The following TRABD2B variants were observed in gnomAD, a reference collection of about 807,000 sequenced individuals.
The protein encoded by TRABD2B is TraB domain containing 2B, also known as metalloprotease TIKI2.
In TRABD2B, 14 loss-of-function variants were observed where a neutral mutation model predicts 40.1. That is an observed-to-expected ratio of 0.35 (90% CI 0.23 to 0.55). The LOEUF is 0.55. Among genes scored for constraint, TRABD2B ranks in the 20% least tolerant of loss-of-function variants. TRABD2B has a pLI of 0.90. For missense variants in TRABD2B, 541 were observed against 648.6 expected (o/e 0.83, Z 1.80); for synonymous variants, 263 against 277.0 (o/e 0.95, Z 0.50).
intron 4 of TRABD2B, among the ~76,000 whole-genome samples, chr1:47,789,183 T>C (rs1412542977): frequency 6.6e-6 from 1 of 152,138 alleles, no homozygotes; most frequent in Non-Finnish European, 1.5e-5. Context: ...TGCAATGGGA[T>C]GATCACTGAG....
chr1:47,844,572 T>C (rs1645442731), intron 2 of TRABD2B, among the ~76,000 whole-genome samples: 1 of 152,178 alleles, frequency 6.6e-6, no homozygotes, highest in Non-Finnish European at 1.5e-5. Context: ...GTACAGTGCT[T>C]ACTCTCTGGC....
At chr1:47,845,677 G>T (rs576473453) in intron 2 of TRABD2B, among the ~76,000 whole-genome samples, 2 of 152,160 alleles carry the variant, frequency 1.3e-5, no homozygotes, top group Non-Finnish European at 2.9e-5. Flanking sequence ...TATAGAGTGG[G>T]TGTTTAAAGT....
At chr1:47,905,155 C>T (rs979017014) in intron 2 of TRABD2B, among the ~76,000 whole-genome samples, 7 of 152,232 alleles carry the variant, frequency 4.6e-5, no homozygotes, top group African/African-American at 1.7e-4. Flanking sequence ...ACAAGGGGTG[C>T]TTGCGAAAAG....
At chr1:47,889,147 T>C (rs924135451) in intron 2 of TRABD2B, among the ~76,000 whole-genome samples, 4 of 152,192 alleles carry the variant, frequency 2.6e-5, no homozygotes, top group African/African-American at 9.6e-5. Flanking sequence ...AAGAACCCAA[T>C]GAACAGCTAC....
In TRABD2B at chr1:47,795,534, C is replaced by A. The variant is rs895117967; in HGVS notation, c.814-774G>T. On this transcript the variant is annotated intron_variant, in intron 3 of 6. Coordinates refer to ENST00000606738, the MANE Select transcript of TRABD2B (RefSeq NM_001194986.2). ...CCACTGAGTACAAGAGTAGGCTCACCCCCTGTTCTGATGCTGCGTGGCACC... is the reference window on the plus strand; with the variant it reads ...CCACTGAGTACAAGAGTAGGCTCACACCCTGTTCTGATGCTGCGTGGCACC... 22 of 420,848 alleles carry A rather than the reference C, an allele frequency of 5.2e-5. 1 individual carries two copies. The Admixed American group carries it at 1.4e-3, about 27-fold the overall frequency. The allele number at this position is 420,848 out of a possible 1,614,324, so 26.1% of individuals were successfully genotyped here.
chr1:47,787,863 T>C (rs780975386), intron 4 of TRABD2B, among the ~76,000 whole-genome samples: 4 of 152,046 alleles, frequency 2.6e-5, no homozygotes, highest in Admixed American at 2.6e-4. Flanking sequence ...ACTGGGAGCA[T>C]GAGAGAGGCT....
chr1:47,766,758 C>T (rs920274018), intron 6 of TRABD2B, among the ~76,000 whole-genome samples: 25 of 152,102 alleles, frequency 1.6e-4, no homozygotes, highest in African/African-American at 4.3e-4. Flanking sequence ...GGGAGTGGGA[C>T]GCCATGAAGC....
intron 2 of TRABD2B, among the ~76,000 whole-genome samples, chr1:47,907,049 C>T (rs539601678): frequency 2.5e-4 from 38 of 152,318 alleles, no homozygotes; most frequent in Admixed American, 1.4e-3. Flanking sequence ...GAGCACCAGC[C>T]GGCCGCTGGC....
rs12068027 is a variant in TRABD2B at position 47,982,415 on chromosome 1, A to G, written c.666+11619T>C. ...CTCACAACAACCCCAGGAGGTAAAT[A>G]CTGTTGTGAGCACCATTTTTTCAGA... is the stretch of plus-strand genomic sequence containing the variant. On this transcript the variant is annotated intron_variant, in intron 2 of 6. Transcript: ENST00000606738. Among the ~76,000 whole-genome samples, 368 of 152,250 alleles carry G rather than the reference A, an allele frequency of 2.4e-3. 5 individuals are homozygous for G. The highest frequency in any genetic ancestry group is 8.2e-3 in the African/African-American group (342 of 41,538).
At position 47,996,832 on chromosome 1, in the gene TRABD2B, G is replaced by T. The variant is rs559108653; in HGVS notation, c.-43C>A. The T allele has an allele frequency of 1.3e-4, 152 of 1,168,848 alleles. 1 individual carries two copies. In the African/African-American group the frequency reaches 1.9e-3, roughly 15 times the overall value. The allele number at this position is 1,168,848 out of a possible 1,614,324, so 72.4% of individuals were successfully genotyped here. A position where few individuals can be genotyped will look rare whatever the true frequency, so the allele number is the denominator to read the frequency against. On this transcript the variant is annotated 5_prime_UTR_variant, in exon 1 of 7. Transcript: ENST00000606738. This position sits in a 1 kb window ranked among gnomAD's most constrained non-coding sequence, Gnocchi z 4.6. ...GGCGCGGGGGACCCTCCTGGGCGGCGCCCCTCAGCGGGGCGGGGAGCCCCC... is the reference window on the plus strand; with the variant it reads ...GGCGCGGGGGACCCTCCTGGGCGGCTCCCCTCAGCGGGGCGGGGAGCCCCC...
At chr1:47,800,179 C>T (rs972341370) in intron 3 of TRABD2B, among the ~76,000 whole-genome samples, 1 of 152,102 alleles carries the variant, frequency 6.6e-6, no homozygotes, top group African/African-American at 2.4e-5. Flanking sequence ...AACCAATAAA[C>T]AGTCACTAAT....
In TRABD2B at chr1:47,821,873, C is replaced by T. The variant is rs567353447; in HGVS notation, c.667-20254G>A. Among the ~76,000 whole-genome samples, 3 of 152,178 alleles carry T rather than the reference C, an allele frequency of 2.0e-5. No individual in the cohort carries two copies. The East Asian group carries it at 5.8e-4, about 29-fold the overall frequency. ...CCTCTTCAAAAGCAGCAGATGCAGA[C>T]ATTTGAGGAAAAAAATTATTCTACA... is the stretch of plus-strand genomic sequence containing the variant. On this transcript the variant is annotated intron_variant, in intron 2 of 6. Coordinates refer to ENST00000606738, the MANE Select transcript of TRABD2B (RefSeq NM_001194986.2).
intron 2 of TRABD2B, among the ~76,000 whole-genome samples, chr1:47,805,083 A>G (rs75529086): frequency 0.059 from 9,025 of 152,204 alleles, 471 homozygotes; most frequent in East Asian, 0.17. Context: ...GCTAGGGTCC[A>G]GAGCAGGCAG....
At chr1:47,855,865 C>T (rs771604771) in intron 2 of TRABD2B, among the ~76,000 whole-genome samples, 1 of 152,184 alleles carries the variant, frequency 6.6e-6, no homozygotes, top group Non-Finnish European at 1.5e-5. Flanking sequence ...CATGCTAACA[C>T]CCTGATACGG....
At chr1:47,983,837 T>C (rs1473691251) in intron 2 of TRABD2B, among the ~76,000 whole-genome samples, 1 of 151,206 alleles carries the variant, frequency 6.6e-6, no homozygotes, top group Non-Finnish European at 1.5e-5. Context: ...AACGCGGTCG[T>C]GCATGTGAAA....
chr1:47,779,143 G>A, intron 4 of TRABD2B, among the ~76,000 whole-genome samples: 1 of 152,218 alleles, frequency 6.6e-6, no homozygotes, highest in African/African-American at 2.4e-5. Context: ...GCCCTGCACA[G>A]GCTCAGCACC....
chr1:47,789,794 C>G (rs1273154509), intron 4 of TRABD2B, among the ~76,000 whole-genome samples: 1 of 152,146 alleles, frequency 6.6e-6, no homozygotes, highest in Non-Finnish European at 1.5e-5. Context: ...CTCCTCAACC[C>G]TGCACCCAAG....
rs140113689 is a variant in TRABD2B at position 47,874,956 on chromosome 1, T to C, written c.667-73337A>G. 3.1e-3 allele frequency among the ~76,000 whole-genome samples: 477 copies of C among 152,176 alleles called. 4 individuals are homozygous for C. The highest frequency in any genetic ancestry group is 0.026 in the South Asian group (127 of 4,808). Reference sequence around the variant, plus strand: ...TGGTTATTCTTGTCTCCTCACTCACTGCTTCTGAACCCAGGAGCTCCTCAA... The same window carrying C: ...TGGTTATTCTTGTCTCCTCACTCACCGCTTCTGAACCCAGGAGCTCCTCAA... On this transcript the variant is annotated intron_variant, in intron 2 of 6. Transcript: ENST00000606738.
At chr1:47,864,476 A>G (rs58475625) in intron 2 of TRABD2B, among the ~76,000 whole-genome samples, 8 of 151,956 alleles carry the variant, frequency 5.3e-5, no homozygotes, top group Admixed American at 5.2e-4. Flanking sequence ...AAAAAAAAAA[A>G]AGTCTTACAA....
Sources: gnomAD v4.1 joint callset for allele counts (sites outside exome capture counted in the v4.1 genomes callset) on GRCh38, gnomAD v4.1.1 for gene constraint, Gnocchi (gnomAD v3.1) non-coding constraint, MANE v1.5 for transcripts, NCBI Gene and HGNC (gene_info 2026-07-23, HGNC 2026-07-21) for gene names.